Variants in KDM4B observed in about 807,000 individuals in gnomAD.
KDM4B encodes the protein lysine demethylase 4B.
KDM4B carries 32 observed loss-of-function variants against 125.2 expected under a neutral mutation model. The observed-to-expected ratio is 0.26, with a 90% CI of 0.19 to 0.34. The LOEUF (loss-of-function observed/expected upper bound fraction) is 0.34. Ranked by LOEUF, KDM4B falls within the 10% of genes least tolerant of loss-of-function variation. KDM4B has a pLI of 1.00. For missense variants in KDM4B, 1,190 were observed against 1,577.7 expected (o/e 0.75, Z 4.16); for synonymous variants, 721 against 677.9 (o/e 1.06, Z -0.99).
At chr19:5,034,417 T>C (rs1373166959) in intron 3 of KDM4B, among the ~76,000 whole-genome samples, 1 of 152,228 alleles carries the variant, frequency 6.6e-6, no homozygotes, top group African/African-American at 2.4e-5. Flanking sequence ...CCAGACGCCG[T>C]GTGAATGAAA....
At chr19:5,042,073 C>T (rs557929523) in intron 5 of KDM4B, among the ~76,000 whole-genome samples, 1 of 152,366 alleles carries the variant, frequency 6.6e-6, no homozygotes, top group East Asian at 1.9e-4. Flanking sequence ...TTGCTTCCGG[C>T]CCCACCAGAA....
chr19:5,046,175 G>T (rs1280929134), intron 5 of KDM4B, among the ~76,000 whole-genome samples: 3 of 152,258 alleles, frequency 2.0e-5, no homozygotes, highest in African/African-American at 7.2e-5. Context: ...CCGCACGCAG[G>T]CTGTGCCAGC....
chr19:5,134,491 T>C (rs2039613712), intron 14 of KDM4B, among the ~76,000 whole-genome samples: 1 of 152,188 alleles, frequency 6.6e-6, no homozygotes, highest in Non-Finnish European at 1.5e-5. Context: ...TCTGGTGCTC[T>C]TTCCATGCTG....
chr19:5,120,435 G>A (rs2039338856), intron 11 of KDM4B, among the ~76,000 whole-genome samples: 1 of 152,192 alleles, frequency 6.6e-6, no homozygotes, highest in Admixed American at 6.5e-5. Flanking sequence ...CTGTGAGCTG[G>A]GGCCCCCGTC....
chr19:5,103,405 C>T (rs1176322023), intron 9 of KDM4B, among the ~76,000 whole-genome samples: 1 of 152,220 alleles, frequency 6.6e-6, no homozygotes, highest in African/African-American at 2.4e-5. Flanking sequence ...ACCAGCAGCC[C>T]CGCCCGCTTT....
At position 5,137,252 on chromosome 19, in the gene KDM4B, T is replaced by C; in HGVS notation, c.2309-10T>C. On this transcript the variant is annotated splice_polypyrimidine_tract_variant and intron_variant, in intron 15 of 22. Transcript: ENST00000159111. ...CCCCCAGATCTCAGCCAGCCCCCGC[T>C]GTCTTCCAGGTTGCTATGGCATCCG... 6.4e-7 allele frequency: 1 copy of C among 1,563,972 alleles called. No individual in the cohort carries two copies. Among genetic ancestry groups the C allele is most frequent in the Non-Finnish European group, 8.7e-7 (1 of 1,154,100 alleles).
intron 1 of KDM4B, among the ~76,000 whole-genome samples, chr19:4,992,658 C>T (rs762047041): frequency 6.6e-6 from 1 of 152,148 alleles, no homozygotes; most frequent in East Asian, 1.9e-4. Flanking sequence ...CTATATTTCC[C>T]CAGGCTGGTC....
intron 9 of KDM4B, among the ~76,000 whole-genome samples, chr19:5,089,849 G>A (rs893604446): frequency 1.2e-4 from 18 of 152,142 alleles, no homozygotes; most frequent in African/African-American, 3.1e-4. Context: ...TTGTTGCTTC[G>A]TTGGTTTGTT....
Position 5,151,383 on chromosome 19 carries a change from G to A in KDM4B, c.3163G>A (p.Ala1055Thr). The A allele has an allele frequency of 1.3e-6, 2 of 1,587,216 alleles. No individual in the cohort carries two copies. The highest frequency in any genetic ancestry group is 2.0e-4 in the Middle Eastern group (1 of 5,068). The change falls in exon 23 of 23, where the codon GCC (alanine) becomes ACC (threonine). Residue 1055 changes from alanine to threonine, a missense_variant. Physicochemically the swap from Ala to Thr is moderately conservative, Grantham distance 58 (BLOSUM62 0). This residue lies in a region of KDM4B where 109 missense variants were observed against 93.8 expected (regional missense o/e 1.16). Coordinates refer to ENST00000159111, the MANE Select transcript of KDM4B (RefSeq NM_015015.3). ...PQEPAFSGEE[A>T]KAAKRPRVGT... ...GGAGCCCGCCTTCTCGGGGGAGGAGGCCAAGGCCGCCAAGCGCCCGCGTGT... is the reference window on the plus strand; with the variant it reads ...GGAGCCCGCCTTCTCGGGGGAGGAGACCAAGGCCGCCAAGCGCCCGCGTGT...
intron 13 of KDM4B, among the ~76,000 whole-genome samples, chr19:5,132,504 C>A (rs2039576329): frequency 6.6e-6 from 1 of 152,008 alleles, no homozygotes; most frequent in Admixed American, 6.5e-5. Flanking sequence ...TGAAAATGGT[C>A]TGGATGGCGT....
chr19:5,018,079 C>G (rs1002827869), intron 2 of KDM4B, among the ~76,000 whole-genome samples: 1 of 152,090 alleles, frequency 6.6e-6, no homozygotes, highest in Non-Finnish European at 1.5e-5. Flanking sequence ...CACTCTGTCA[C>G]CCAGGCTGGA....
intron 9 of KDM4B, among the ~76,000 whole-genome samples, chr19:5,106,706 CCT>C (rs2039042090): frequency 6.6e-6 from 1 of 152,212 alleles, no homozygotes; most frequent in African/African-American, 2.4e-5. Flanking sequence ...CAGGCTGCCC[CCT>C]GACATGAGCA....
At chr19:5,107,177 C>T (rs1225368160) in intron 9 of KDM4B, among the ~76,000 whole-genome samples, 1 of 152,274 alleles carries the variant, frequency 6.6e-6, no homozygotes, top group Non-Finnish European at 1.5e-5. Flanking sequence ...CGGCCTCACC[C>T]ATGCACACGG....
chr19:5,128,701 C>A (rs1426159542), intron 11 of KDM4B, among the ~76,000 whole-genome samples: 1 of 152,052 alleles, frequency 6.6e-6, no homozygotes, highest in African/African-American at 2.4e-5. Context: ...TCTGCATCTC[C>A]ACGCCTCTGC....
intron 13 of KDM4B, among the ~76,000 whole-genome samples, 167 bp downstream of exon 13, chr19:5,132,174 G>A (rs2039569975): frequency 6.6e-6 from 1 of 152,202 alleles, no homozygotes; most frequent in Admixed American, 6.5e-5. Context: ...CTGTCACTGG[G>A]GCAGGTGGTC....
chr19:5,059,180 G>A (rs1339926017), intron 6 of KDM4B, among the ~76,000 whole-genome samples: 3 of 152,210 alleles, frequency 2.0e-5, no homozygotes, highest in Non-Finnish European at 4.4e-5. Flanking sequence ...GGCTGCTGCC[G>A]GCGGGGTTCA....
chr19:5,042,652 T>C (rs1033480546), intron 5 of KDM4B, among the ~76,000 whole-genome samples: 3 of 151,540 alleles, frequency 2.0e-5, no homozygotes, highest in African/African-American at 7.3e-5. Context: ...AAGGAGGAGC[T>C]GATCCATCTT....
chr19:5,029,142 C>T (rs1390361670), intron 2 of KDM4B, among the ~76,000 whole-genome samples: 1 of 152,258 alleles, frequency 6.6e-6, no homozygotes, highest in Non-Finnish European at 1.5e-5. Context: ...AACTCCTGGC[C>T]TCAAGTGATC....
At chr19:4,996,027 G>A (rs2035189498) in intron 1 of KDM4B, among the ~76,000 whole-genome samples, 1 of 152,130 alleles carries the variant, frequency 6.6e-6, no homozygotes, top group Non-Finnish European at 1.5e-5. Context: ...GTCTCGCTCT[G>A]TCGCCCAGGC....
Sources: allele counts gnomAD v4.1 joint callset (sites outside exome capture counted in the v4.1 genomes callset), GRCh38; gene constraint gnomAD v4.1.1; regional missense constraint gnomAD v4.1.1; transcripts MANE v1.5; gene names NCBI Gene and HGNC (gene_info 2026-07-23, HGNC 2026-07-21).